PARP16: variants seen among roughly 807,000 people sequenced by gnomAD.
PARP16 encodes protein mono-ADP-ribosyltransferase PARP16.
A neutral mutation model predicts 35.0 loss-of-function variants in PARP16; 31 were observed. The observed-to-expected ratio is 0.88, with a 90% confidence interval of 0.66 to 1.19. The LOEUF (loss-of-function observed/expected upper bound fraction) is 1.19, where lower values mean the gene tolerates loss of function less well. Among genes scored for constraint, PARP16 ranks in the 50% most tolerant of loss-of-function variants. The probability of loss-of-function intolerance (pLI) is 0.00; values close to 1 mark genes in which losing one functional copy is unlikely to be tolerated. For synonymous variants in PARP16, 162 were observed against 169.5 expected (o/e 0.96, Z 0.34); for missense variants, 424 against 411.2 (o/e 1.03, Z -0.27).
chr15:65,237,500 A>G (rs764646909), intron 3 of PARP16, among the ~76,000 whole-genome samples: 2 of 152,154 alleles, frequency 1.3e-5, no homozygotes, highest in East Asian at 1.9e-4. Flanking sequence ...CCTAAATTCT[A>G]TGTGTCCTTA....
At chr15:65,266,357 TAG>T (rs1387951031) in intron 3 of PARP16, among the ~76,000 whole-genome samples, 1 of 152,228 alleles carries the variant, frequency 6.6e-6, no homozygotes, top group African/African-American at 2.4e-5. Flanking sequence ...TCAGAAGGTC[TAG>T]AGTGTGCCCA....
chr15:65,259,229 G>A lies in PARP16; in HGVS notation c.*178C>T, dbSNP rs2089616390. The A allele has an allele frequency of 7.6e-6, 5 of 661,916 alleles. No individual in the cohort carries two copies. The highest frequency in any genetic ancestry group is 1.1e-5 in the Non-Finnish European group (4 of 367,404). The allele number at this position is 661,916 out of a possible 1,614,324, so 41.0% of individuals were successfully genotyped here. A position where few individuals can be genotyped will look rare whatever the true frequency, so the allele number is the denominator to read the frequency against. ...AGGGACTAGTAGTCCCCGTTGACTG[G>A]AGTATGGCTGGGAACATCATCAAAG... On this transcript the variant is annotated 3_prime_UTR_variant, in exon 6 of 6. Coordinates refer to ENST00000649807, the MANE Select transcript of PARP16 (RefSeq NM_001316943.2).
intron 1 of PARP16, among the ~76,000 whole-genome samples, chr15:65,276,558 G>T (rs2090262219): frequency 6.6e-6 from 1 of 152,080 alleles, no homozygotes; most frequent in South Asian, 2.1e-4. Flanking sequence ...TACAGACAGG[G>T]TTCCACCATG....
intron 3 of PARP16, among the ~76,000 whole-genome samples, chr15:65,243,544 C>A (rs1188869073): frequency 6.6e-6 from 1 of 152,182 alleles, no homozygotes; most frequent in African/African-American, 2.4e-5. Context: ...AGTGGCCATG[C>A]CTTCTTGGAA....
At chr15:65,267,924 C>T (rs1416283533) in intron 2 of PARP16, among the ~76,000 whole-genome samples, 1 of 151,812 alleles carries the variant, frequency 6.6e-6, no homozygotes, top group East Asian at 2.0e-4. Flanking sequence ...AACTCCTGAC[C>T]TCGTGATCCA....
chr15:65,279,962 A>T (rs1456090410), intron 1 of PARP16, among the ~76,000 whole-genome samples: 1 of 151,956 alleles, frequency 6.6e-6, no homozygotes, highest in Non-Finnish European at 1.5e-5. Context: ...GATCTTTCCA[A>T]ACCGGGCTCA....
At chr15:65,239,424 TAAAAAAAAAAAAAAA>T (rs758350761) in intron 3 of PARP16, among the ~76,000 whole-genome samples, 18 of 6,960 alleles carry the variant, frequency 2.6e-3, no homozygotes, top group Non-Finnish European at 3.5e-3. Flanking sequence ...AGACTTTGCC[TAAAAAAAAAAAAAAA>T]AAAAAAAAAA....
chr15:65,238,161 G>T (rs957090384), intron 3 of PARP16, among the ~76,000 whole-genome samples: 2 of 152,144 alleles, frequency 1.3e-5, no homozygotes, highest in Non-Finnish European at 2.9e-5. Context: ...GGTGGGGCCT[G>T]TAATCCCAGC....
chr15:65,265,342 TAAG>T (rs766183372), intron 3 of PARP16, among the ~76,000 whole-genome samples: 186 of 152,324 alleles, frequency 1.2e-3, no homozygotes, highest in Non-Finnish European at 1.6e-3. Context: ...CTCTGACATA[TAAG>T]AAGGAGGGTA....
chr15:65,278,269 A>C (rs1384875645), intron 1 of PARP16, among the ~76,000 whole-genome samples: 1 of 152,252 alleles, frequency 6.6e-6, no homozygotes, highest in East Asian at 1.9e-4. Context: ...TTCCTGCCCT[A>C]GGGCAACCTC....
At chr15:65,282,482 G>A (rs1174213265) in intron 1 of PARP16, 1 of 152,208 alleles carries the variant, frequency 6.6e-6, no homozygotes, top group African/African-American at 2.4e-5. Context: ...GTGGCAAAAC[G>A]AGGCCTAAAG....
chr15:65,234,817 G>T (rs573103469), exon 4 of PARP16: 1 of 152,250 alleles, frequency 6.6e-6, no homozygotes, highest in Non-Finnish European at 1.5e-5. Flanking sequence ...AGCATGGCAG[G>T]TGGGTCCTGA....
At chr15:65,284,835 TGA>T (rs1406875346) in intron 1 of PARP16, among the ~76,000 whole-genome samples, 1 of 119,644 alleles carries the variant, frequency 8.4e-6, no homozygotes, top group Admixed American at 9.0e-5. Context: ...TTTTTTTTTT[TGA>T]GAGAGAGACT....
intron 2 of PARP16, among the ~76,000 whole-genome samples, chr15:65,269,943 A>C (rs72731304): frequency 0.051 from 7,739 of 152,262 alleles, 618 homozygotes; most frequent in East Asian, 0.39. Context: ...CCAGAGATTC[A>C]CTAGGAATTA....
At position 65,261,116 on chromosome 15, in the gene PARP16, C is replaced by G. The variant is rs545114954; in HGVS notation, c.692-90G>C. 3.9e-6 allele frequency: 5 copies of G among 1,279,214 alleles called. No individual in the cohort carries two copies. The African/African-American group carries it at 7.3e-5, about 19-fold the overall frequency. The allele number at this position is 1,279,214 out of a possible 1,614,324, so 79.2% of individuals were successfully genotyped here. On this transcript the variant is annotated intron_variant, in intron 4 of 5. Coordinates refer to ENST00000649807, the MANE Select transcript of PARP16 (RefSeq NM_001316943.2). ...TAGAAATAAGTCAAGCCTCCTGGTGCTGAGGGGGAAGAAGGCCTGGCAGGC... is the reference window on the plus strand; with the variant it reads ...TAGAAATAAGTCAAGCCTCCTGGTGGTGAGGGGGAAGAAGGCCTGGCAGGC...
downstream of PARP16, among the ~76,000 whole-genome samples, chr15:65,232,387 C>T (rs770722786): frequency 1.1e-4 from 16 of 152,242 alleles, no homozygotes; most frequent in Admixed American, 3.3e-4. Context: ...GTACCACTGA[C>T]GGCTTGAAAT....
downstream of PARP16, among the ~76,000 whole-genome samples, chr15:65,256,020 A>G (rs2089496634): frequency 6.6e-6 from 1 of 152,144 alleles, no homozygotes; most frequent in Non-Finnish European, 1.5e-5. Context: ...GAGTTTGCCA[A>G]TATCTCCAAT....
chr15:65,261,225 T>G (rs1373261189), intron 4 of PARP16, among the ~76,000 whole-genome samples, 199 bp from the exon 5 acceptor site: 1 of 142,682 alleles, frequency 7.0e-6, no homozygotes, highest in African/African-American at 2.6e-5. Flanking sequence ...AAAAAAAGAG[T>G]AGGAAAATAT....
At position 65,263,148 on chromosome 15, in the gene PARP16, C is replaced by A. The variant is rs751910385; in HGVS notation, c.691+1G>T. ...CAGGTCTGGACCAAGTGCTCACTCA[C>A]CCTTCTTCTTGGTTTGGCACTTGAC... On this transcript the variant is annotated splice_donor_variant, in intron 4 of 5. Coordinates refer to ENST00000649807, the MANE Select transcript of PARP16 (RefSeq NM_001316943.2). LOFTEE classifies it high-confidence loss of function. 5 of 1,613,258 alleles carry A rather than the reference C, an allele frequency of 3.1e-6. No individual in the cohort carries two copies. The highest frequency in any genetic ancestry group is 8.5e-7 in the Non-Finnish European group (1 of 1,179,624).
Sources: gnomAD v4.1 joint callset for allele counts (sites outside exome capture counted in the v4.1 genomes callset) on GRCh38, gnomAD v4.1.1 for gene constraint, MANE v1.5 for transcripts, NCBI Gene and HGNC (gene_info 2026-07-23, HGNC 2026-07-21) for gene names.